The following RAB8B variants were observed in gnomAD, a reference collection of about 807,000 sequenced individuals.
RAB8B encodes the protein ras-related protein Rab-8B.
In RAB8B, 11 loss-of-function variants were observed where a neutral mutation model predicts 32.0. The ratio of observed to expected loss-of-function variants is 0.34; its 90% CI spans 0.22 to 0.57. The LOEUF (loss-of-function observed/expected upper bound fraction) is 0.57. Among genes scored for constraint, RAB8B ranks in the 20% least tolerant of loss-of-function variants. The pLI, the probability that RAB8B is intolerant of heterozygous loss-of-function variation, is 0.86. For missense variants in RAB8B, 190 were observed against 258.5 expected, an observed-to-expected ratio of 0.73 and a Z score of 1.82; for synonymous variants, 103 against 89.6, an observed-to-expected ratio of 1.15 and a Z score of -0.85.
Position 63,259,840 on chromosome 15 carries a change from A to T in RAB8B, c.480+148A>T. 5 of 534,710 alleles carry T rather than the reference A, an allele frequency of 9.4e-6. No homozygotes were observed. The highest frequency in any genetic ancestry group is 2.0e-5 in the African/African-American group (1 of 48,984). 33.1% of individuals were successfully genotyped at this position (534,710 alleles called of 1,614,324 possible). A position where few individuals can be genotyped will look rare whatever the true frequency, so the allele number is the denominator to read the frequency against. On this transcript the variant is annotated intron_variant, in intron 6 of 7. Coordinates refer to ENST00000321437, the MANE Select transcript of RAB8B (RefSeq NM_016530.3). The surrounding 1 kb of genome is among the most constrained non-coding windows in gnomAD (Gnocchi z 4.4). ...TACTTTGTACACTTTTGTGCTTCTGATTTTTTTTTTTTTGAGATGGAGTCT... is the reference window on the plus strand; with the variant it reads ...TACTTTGTACACTTTTGTGCTTCTGTTTTTTTTTTTTTTGAGATGGAGTCT...
chr15:63,236,130 A>G (rs11853808), intron 1 of RAB8B, among the ~76,000 whole-genome samples: 144,979 of 152,264 alleles, frequency 0.95, 69,107 homozygotes, highest in East Asian at 1. Flanking sequence ...TGATCTCTAA[A>G]GTACTTCTCA....
In RAB8B at chr15:63,263,688, C is replaced by T; in HGVS notation, c.*69C>T. 7.7e-7 allele frequency: 1 copy of T among 1,297,958 alleles called. No homozygotes were observed. Among genetic ancestry groups the T allele is most frequent in the Non-Finnish European group, 1.1e-6 (1 of 901,450 alleles). The allele number at this position is 1,297,958 out of a possible 1,614,324, so 80.4% of individuals were successfully genotyped here. Reference sequence around the variant, plus strand: ...CCTGCTTCTCTGAAAGCACAGGTCACCCAGCCTCAGAATCACACCTCCCGG... The same window carrying T: ...CCTGCTTCTCTGAAAGCACAGGTCATCCAGCCTCAGAATCACACCTCCCGG... On this transcript the variant is annotated 3_prime_UTR_variant, in exon 8 of 8. Coordinates refer to ENST00000321437, the MANE Select transcript of RAB8B (RefSeq NM_016530.3).
chr15:63,197,365 C>CTTTTT (rs2037610287), intron 1 of RAB8B, among the ~76,000 whole-genome samples: 8 of 85,550 alleles, frequency 9.4e-5, no homozygotes, highest in East Asian at 3.8e-4. Flanking sequence ...TTCTTTCTTT[C>CTTTTT]TTTTCTTTTT....
chr15:63,206,316 A>G (rs535537806), intron 1 of RAB8B, among the ~76,000 whole-genome samples: 4 of 152,180 alleles, frequency 2.6e-5, no homozygotes, highest in African/African-American at 7.2e-5. Flanking sequence ...GGCCCTGAGT[A>G]AATGTTTTTT....
Position 63,259,510 on chromosome 15 carries a change from A to G in RAB8B, c.415-117A>G. On this transcript the variant is annotated intron_variant, in intron 5 of 7. Coordinates refer to ENST00000321437, the MANE Select transcript of RAB8B (RefSeq NM_016530.3). This position sits in a 1 kb window ranked among gnomAD's most constrained non-coding sequence, Gnocchi z 4.4. ...AAGAAAGCAAAGAAATTTGAGAACC[A>G]CAGGAGTTCTGAAATAGATACCCTA... 1.3e-6 allele frequency: 1 copy of G among 791,362 alleles called. No individual in the cohort carries two copies. The highest frequency in any genetic ancestry group is 2.0e-6 in the Non-Finnish European group (1 of 488,354). The allele number at this position is 791,362 out of a possible 1,614,324, so 49.0% of individuals were successfully genotyped here. A position where few individuals can be genotyped will look rare whatever the true frequency, so the allele number is the denominator to read the frequency against.
At chr15:63,208,749 C>A (rs1486918285) in intron 1 of RAB8B, among the ~76,000 whole-genome samples, 1 of 152,016 alleles carries the variant, frequency 6.6e-6, no homozygotes, top group Non-Finnish European at 1.5e-5. Flanking sequence ...TCTCTCTTCA[C>A]CCCCAACCCA....
At chr15:63,226,871 A>G (rs1595741608) in intron 1 of RAB8B, among the ~76,000 whole-genome samples, 1 of 152,100 alleles carries the variant, frequency 6.6e-6, no homozygotes, top group Non-Finnish European at 1.5e-5. Context: ...CTGGTTGCCC[A>G]TTTTTATGGT....
At position 63,255,556 on chromosome 15, in the gene RAB8B, T is replaced by C; in HGVS notation, c.296T>C (p.Ile99Thr). 1 of 1,606,824 alleles carries C rather than the reference T, an allele frequency of 6.2e-7. No individual in the cohort carries two copies. The highest frequency in any genetic ancestry group is 1.1e-5 in the South Asian group (1 of 90,916). Residue 99 changes from isoleucine to threonine, a missense_variant, in exon 4 of 8, where the codon ATT becomes ACT. By Grantham distance (89) the Ile-to-Thr change is moderately conservative. Coordinates refer to ENST00000321437, the MANE Select transcript of RAB8B (RefSeq NM_016530.3). The part of the protein sequence containing the change: ...DITNEKSFDN[I>T]KNWIRNIEEH... Reference sequence around the variant, plus strand: ...ACAAATGAAAAATCCTTTGACAATATTAAAAATTGGATCAGAAACATTGAA... The same window carrying C: ...ACAAATGAAAAATCCTTTGACAATACTAAAAATTGGATCAGAAACATTGAA...
chr15:63,259,570 TG>T lies in RAB8B; in HGVS notation c.415-56del, dbSNP rs2038186694. The T allele has an allele frequency of 2.1e-6, 3 of 1,430,618 alleles. No homozygotes were observed. The highest frequency in any genetic ancestry group is 2.9e-6 in the Non-Finnish European group (3 of 1,017,372). The allele number at this position is 1,430,618 out of a possible 1,614,324, so 88.6% of individuals were successfully genotyped here. On this transcript the variant is annotated intron_variant, in intron 5 of 7. Coordinates refer to ENST00000321437, the MANE Select transcript of RAB8B (RefSeq NM_016530.3). This position sits in a 1 kb window ranked among gnomAD's most constrained non-coding sequence, Gnocchi z 4.4. ...CTTTGAAAAACCTAAGAAATACAAA[TG>T]CATTATGTGTTCAAGTATCTTTTGC...
At chr15:63,234,816 C>T (rs1007186122) in intron 1 of RAB8B, among the ~76,000 whole-genome samples, 4 of 152,190 alleles carry the variant, frequency 2.6e-5, no homozygotes, top group Admixed American at 6.5e-5. Context: ...AGTGGCTGTC[C>T]GCCTTCTCCC....
At chr15:63,219,599 G>A (rs920928830) in intron 1 of RAB8B, among the ~76,000 whole-genome samples, 3 of 152,142 alleles carry the variant, frequency 2.0e-5, no homozygotes, top group African/African-American at 4.8e-5. Flanking sequence ...ATGTAAGTAT[G>A]TATATATGTG....
chr15:63,261,936 C>T (rs557945035), intron 6 of RAB8B, among the ~76,000 whole-genome samples: 1 of 152,282 alleles, frequency 6.6e-6, no homozygotes, highest in South Asian at 2.1e-4. Flanking sequence ...GAAGATTAAT[C>T]AGATTTGCCC....
In RAB8B at chr15:63,263,590, A is replaced by G. The variant is rs2038219392; in HGVS notation, c.595A>G (p.Thr199Ala). Residue 199 changes from threonine (T) to alanine (A), a missense_variant, in exon 8 of 8, where the codon ACC (threonine) becomes GCC (alanine). Thr to Ala is a moderately conservative substitution (Grantham distance 58). This residue lies in a region of RAB8B where 110 missense variants were observed against 115.9 expected (regional missense o/e 0.95). Transcript: ENST00000321437. ...AATAACAGAAAACCGATCAAAGAAG[A>G]CCAGTTTCTTTCGTTGCTCGCTACT... is the stretch of plus-strand genomic sequence containing the variant. ...VKITENRSKK[T>A]SFFRCSLL 2.5e-6 allele frequency: 4 copies of G among 1,611,938 alleles called. No individual in the cohort carries two copies. In the East Asian group the frequency reaches 8.9e-5, roughly 36 times the overall value.
At chr15:63,207,736 T>C (rs28645550) in intron 1 of RAB8B, among the ~76,000 whole-genome samples, 2,493 of 152,168 alleles carry the variant, frequency 0.016, 71 homozygotes, top group African/African-American at 0.057. Flanking sequence ...ATTTTCTTTT[T>C]TGGTATTTTA....
intron 1 of RAB8B, among the ~76,000 whole-genome samples, chr15:63,219,184 G>A (rs2037821048): frequency 6.6e-6 from 1 of 151,358 alleles, no homozygotes; most frequent in African/African-American, 2.4e-5. Flanking sequence ...TGTAGTCCCA[G>A]TTACTCAGGA....
In RAB8B at chr15:63,226,065, C is replaced by G. The variant is rs182064818; in HGVS notation, c.125-18691C>G. ...CATGTTCCCAGGCTGGTCTTGAACT[C>G]CTGGGCTCAAGTGATCCTCTTGCCT... On this transcript the variant is annotated intron_variant, in intron 1 of 7. Transcript: ENST00000321437. Among the ~76,000 whole-genome samples the G allele has an allele frequency of 7.9e-4, 121 of 152,230 alleles. 1 individual carries two copies. Among genetic ancestry groups the G allele is most frequent in the African/African-American group, 2.8e-3 (116 of 41,532 alleles).
chr15:63,224,026 A>G lies in RAB8B; in HGVS notation c.125-20730A>G, dbSNP rs556321124. The G allele has an allele frequency of 9.8e-5, 20 of 204,938 alleles. No individual in the cohort carries two copies. In the South Asian group the frequency reaches 1.5e-3, roughly 15 times the overall value. 12.7% of individuals were successfully genotyped at this position (204,938 alleles called of 1,614,324 possible). On this transcript the variant is annotated intron_variant, in intron 1 of 7. Transcript: ENST00000321437. The stretch of plus-strand genomic sequence containing the variant: ...TGTGGAGATACTTATGATTCCTGTT[A>G]TACCTACATCTTCAGGGTTGTCTGT...
chr15:63,216,234 A>AT (rs1212796355), intron 1 of RAB8B, among the ~76,000 whole-genome samples: 5 of 133,280 alleles, frequency 3.8e-5, no homozygotes, highest in South Asian at 2.4e-4. Context: ...ATTAATTATT[A>AT]TTTTTTTTTT....
chr15:63,236,529 C>A (rs2037981634), intron 1 of RAB8B, among the ~76,000 whole-genome samples: 1 of 152,030 alleles, frequency 6.6e-6, no homozygotes, highest in East Asian at 1.9e-4. Context: ...GACTCAGGGT[C>A]ATCATTTTGA....
Sources: gnomAD v4.1 joint callset for allele counts (sites outside exome capture counted in the v4.1 genomes callset) on GRCh38, gnomAD v4.1.1 for gene constraint, gnomAD v4.1.1 regional missense constraint, Gnocchi (gnomAD v3.1) non-coding constraint, MANE v1.5 for transcripts, NCBI Gene and HGNC (gene_info 2026-07-23, HGNC 2026-07-21) for gene names.